Variants in CYP26C1 observed in about 807,000 individuals in gnomAD.
CYP26C1 encodes the protein cytochrome P450 26C1.
Under a neutral mutation model 39.1 loss-of-function variants are expected in CYP26C1, and 41 were observed. The ratio of observed to expected loss-of-function variants is 1.05; its 90% CI spans 0.82 to 1.36. CYP26C1 has a LOEUF of 1.36. Ranked by LOEUF, CYP26C1 falls within the 40% of genes most tolerant of loss-of-function variation. The pLI, the probability that CYP26C1 is intolerant of heterozygous loss-of-function variation, is 0.00. For synonymous variants in CYP26C1, 362 were observed against 350.8 expected (o/e 1.03, Z -0.36); for missense variants, 833 against 752.0 (o/e 1.11, Z -1.26).
chr10:93,064,344 C>T, intron 3 of CYP26C1, 37 bp from the exon 4 acceptor site: 1 of 1,591,214 alleles, frequency 6.3e-7, no homozygotes, highest in Middle Eastern at 1.7e-4. Flanking sequence ...CCCCCTTAGC[C>T]TTCCTGCCCC....
intron 3 of CYP26C1, 174 bp downstream of exon 3, chr10:93,063,169 G>T: frequency 7.2e-7 from 1 of 1,388,744 alleles, no homozygotes; most frequent in Non-Finnish European, 9.3e-7. Context: ...TGGGCTCTGG[G>T]CCTGGCCTCT....
chr10:93,064,842 T>A, intron 4 of CYP26C1: 2 of 1,063,642 alleles, frequency 1.9e-6, no homozygotes, highest in Non-Finnish European at 2.3e-6. Context: ...TGCCCTTCTC[T>A]GCCACTCCAT....
rs796808364 is a variant in CYP26C1 at position 93,069,021 on chromosome 10, G to A, written c.*324G>A. 9.0e-5 allele frequency: 25 copies of A among 277,108 alleles called. No homozygotes were observed. The highest frequency in any genetic ancestry group is 5.3e-4 in the African/African-American group (24 of 45,604). 17.2% of individuals were successfully genotyped at this position (277,108 alleles called of 1,614,324 possible). On this transcript the variant is annotated 3_prime_UTR_variant, in exon 6 of 6. Coordinates refer to ENST00000651965, the MANE Select transcript of CYP26C1 (RefSeq NM_183374.3). ...AGGTGCTGCTTGGCTTCCCCTTCCC[G>A]AGCCAATCCAGGGAGGGTGCATGGA...
At position 93,061,441 on chromosome 10, in the gene CYP26C1, G is replaced by A. The variant is rs1846747488; in HGVS notation, c.178G>A (p.Gly60Ser). The A allele has an allele frequency of 1.3e-6, 2 of 1,553,210 alleles. No individual in the cohort carries two copies. The highest frequency in any genetic ancestry group is 1.9e-5 in the Admixed American group (1 of 51,388). The change falls in exon 1 of 6, where the codon GGC becomes AGC. Residue 60 changes from glycine (G) to serine (S), a missense_variant. Gly to Ser is a moderately conservative substitution (Grantham distance 56, BLOSUM62 0). Transcript: ENST00000651965. ...PKGSMGWPFF[G>S]ETLHWLVQGS... ...GGGCTCCATGGGGTGGCCCTTCTTC[G>A]GCGAAACGCTGCACTGGTTAGTTCA... is the stretch of plus-strand genomic sequence containing the variant.
At position 93,061,213 on chromosome 10, in the gene CYP26C1, C is replaced by A. The variant is rs764634495; in HGVS notation, c.-51C>A. On this transcript the variant is annotated 5_prime_UTR_variant, in exon 1 of 6. Transcript: ENST00000651965. ...CGCACTGCTCGCGCCCCGGTTCTTG[C>A]GTCCCCTGCTCTCCCTGCGCTCTGA... is the stretch of plus-strand genomic sequence containing the variant. The A allele has an allele frequency of 2.0e-6, 3 of 1,532,234 alleles. No homozygotes were observed. The South Asian group carries it at 3.6e-5, about 18-fold the overall frequency. 94.9% of individuals were successfully genotyped at this position (1,532,234 alleles called of 1,614,324 possible). A position where few individuals can be genotyped will look rare whatever the true frequency, so the allele number is the denominator to read the frequency against.
rs369389252 is a variant in CYP26C1, at chr10:93,068,424, C to A, written c.1296C>A (p.Arg432=). The A allele has an allele frequency of 4.3e-6, 7 of 1,612,250 alleles. No homozygotes were observed. Among genetic ancestry groups the A allele is most frequent in the South Asian group, 3.3e-5 (3 of 90,948 alleles). The change falls in exon 6 of 6, where the codon CGC becomes CGA. Residue 432 remains arginine, a synonymous_variant. Transcript: ENST00000651965. ...CTCCCGAAGGCTTCGATCCAGAGCG[C>A]TTCGGCGCAGCGCGCGAAGATTCCC... ...RSPPEGFDPE[R]FGAAREDSRG...
Position 93,061,916 on chromosome 10 carries a change from AG to A in CYP26C1, c.205-92del, listed in dbSNP as rs1475558104. 4.7e-6 allele frequency: 6 copies of A among 1,279,394 alleles called. No individual in the cohort carries two copies. In the African/African-American group the frequency reaches 7.4e-5, roughly 16 times the overall value. 79.3% of individuals were successfully genotyped at this position (1,279,394 alleles called of 1,614,324 possible). ...TTTTGTAAACGCGCCAGCCAGGGAC[AG>A]GAAGTTGTGATCAAAAGGCAGCTGG... On this transcript the variant is annotated intron_variant, in intron 1 of 5. Coordinates refer to ENST00000651965, the MANE Select transcript of CYP26C1 (RefSeq NM_183374.3).
intron 5 of CYP26C1, 144 bp downstream of exon 5, chr10:93,066,429 C>T: frequency 1.3e-6 from 1 of 775,170 alleles, no homozygotes; most frequent in Non-Finnish European, 1.7e-6. Context: ...CCCTCAGAGC[C>T]TCAGCCTTCC....
Position 93,064,160 on chromosome 10 carries a change from A to G in CYP26C1, c.706-221A>G, listed in dbSNP as rs58224489. 2.8e-3 allele frequency: 3,742 copies of G among 1,316,040 alleles called. 83 individuals carry two copies. In the African/African-American group the frequency reaches 0.049, roughly 17 times the overall value. 81.5% of individuals were successfully genotyped at this position (1,316,040 alleles called of 1,614,324 possible). A position where few individuals can be genotyped will look rare whatever the true frequency, so the allele number is the denominator to read the frequency against. On this transcript the variant is annotated intron_variant, in intron 3 of 5. Transcript: ENST00000651965. ...TGACAGTAACTCTGCTGTGGCTCAG[A>G]GGGGGATTGTGATAATCAAGACAGA...
Position 93,061,258 on chromosome 10 carries a change from C to T in CYP26C1, c.-6C>T, listed in dbSNP as rs746753534. The T allele has an allele frequency of 1.3e-6, 2 of 1,567,588 alleles. No individual in the cohort carries two copies. The highest frequency in any genetic ancestry group is 1.7e-6 in the Non-Finnish European group (2 of 1,158,774). On this transcript the variant is annotated 5_prime_UTR_variant, in exon 1 of 6. Coordinates refer to ENST00000651965, the MANE Select transcript of CYP26C1 (RefSeq NM_183374.3). ...CTCTGAGCGGCCTGGCCCCCGCGGG[C>T]TCATCATGTTCCCTTGGGGGCTGAG... is the stretch of plus-strand genomic sequence containing the variant.
intron 4 of CYP26C1, among the ~76,000 whole-genome samples, chr10:93,065,148 G>C (rs972881871): frequency 1.3e-5 from 2 of 152,158 alleles, no homozygotes; most frequent in African/African-American, 4.8e-5. Flanking sequence ...CCAAAAAGGA[G>C]TGGAGAAGTT....
rs533133175 is a variant in CYP26C1, at chr10:93,065,921, C to T, written c.862-35C>T. 11 of 1,512,538 alleles carry T rather than the reference C, an allele frequency of 7.3e-6. No homozygotes were observed. The East Asian group carries it at 3.0e-4, about 41-fold the overall frequency. The allele number at this position is 1,512,538 out of a possible 1,614,324, so 93.7% of individuals were successfully genotyped here. A position where few individuals can be genotyped will look rare whatever the true frequency, so the allele number is the denominator to read the frequency against. Reference sequence around the variant, plus strand: ...GTCAGCGCCCCGGGCGACTCCACCGCCCGAGACTCAGTGCAGCCCGGGGCT... The same window carrying T: ...GTCAGCGCCCCGGGCGACTCCACCGTCCGAGACTCAGTGCAGCCCGGGGCT... On this transcript the variant is annotated intron_variant, in intron 4 of 5. Coordinates refer to ENST00000651965, the MANE Select transcript of CYP26C1 (RefSeq NM_183374.3).
chr10:93,062,615 C>A, intron 2 of CYP26C1, 105 bp from the exon 3 acceptor site: 1 of 1,087,208 alleles, frequency 9.2e-7, no homozygotes, highest in Non-Finnish European at 1.2e-6. Flanking sequence ...GTCTGGGCCG[C>A]TTGGAAGAGG....
intron 4 of CYP26C1, 82 bp downstream of exon 4, chr10:93,064,618 C>T: frequency 6.5e-7 from 1 of 1,527,044 alleles, no homozygotes; most frequent in Non-Finnish European, 8.8e-7. Context: ...CCCAGAGCCA[C>T]ATCTTGTGTG....
Position 93,062,817 on chromosome 10 carries a change from G to A in CYP26C1, c.527G>A (p.Gly176Asp). 1 of 1,561,834 alleles carries A rather than the reference G, an allele frequency of 6.4e-7. No homozygotes were observed. The highest frequency in any genetic ancestry group is 8.6e-7 in the Non-Finnish European group (1 of 1,160,390). ...GAGGTGCGCTCCTGGTGCGCGGCGGGCGGGCCGGTCTCAGTCTACGACGCC... is the reference window on the plus strand; with the variant it reads ...GAGGTGCGCTCCTGGTGCGCGGCGGACGGGCCGGTCTCAGTCTACGACGCC... ...RHEVRSWCAA[G>D]GPVSVYDASK... The change falls in exon 3 of 6, where the codon GGC becomes GAC. Residue 176 changes from glycine to aspartate, a missense_variant. Coordinates refer to ENST00000651965, the MANE Select transcript of CYP26C1 (RefSeq NM_183374.3).
chr10:93,067,404 T>C (rs895175817), intron 5 of CYP26C1, among the ~76,000 whole-genome samples: 3 of 152,232 alleles, frequency 2.0e-5, no homozygotes, highest in African/African-American at 7.2e-5. Context: ...GTGTCTTGAA[T>C]GCGGAATCAG....
Position 93,068,541 on chromosome 10 carries a change from G to A in CYP26C1, c.1413G>A (p.Leu471=). 6.3e-7 allele frequency: 1 copy of A among 1,599,280 alleles called. No homozygotes were observed. The highest frequency in any genetic ancestry group is 8.5e-7 in the Non-Finnish European group (1 of 1,173,368). The change falls in exon 6 of 6, where the codon CTG becomes CTA. Residue 471 remains leucine, a synonymous_variant. Coordinates refer to ENST00000651965, the MANE Select transcript of CYP26C1 (RefSeq NM_183374.3). ...GQELAQAVLQ[L]LAVELVRTAR... is the part of the protein sequence containing the mutation. ...AGCTGGCGCAAGCCGTGCTCCAGCT[G>A]CTAGCTGTGGAGCTAGTGCGCACCG...
At chr10:93,064,886 C>T in intron 4 of CYP26C1, 1 of 965,162 alleles carries the variant, frequency 1.0e-6, no homozygotes, top group Non-Finnish European at 1.2e-6. Flanking sequence ...GCCTACAAAG[C>T]CCTCATTATT....
Position 93,062,944 on chromosome 10 carries a change from G to A in CYP26C1, c.654G>A (p.Val218=), listed in dbSNP as rs756982384. Residue 218 remains valine, a synonymous_variant, in exon 3 of 6, where the codon GTG becomes GTA. Coordinates refer to ENST00000651965, the MANE Select transcript of CYP26C1 (RefSeq NM_183374.3). ...TGGCCCGGACCTTCGAGCAGCTCGT[G>A]GAGAACCTCTTCTCACTGCCTCTGG... The part of the protein sequence containing the change: ...ATLARTFEQL[V]ENLFSLPLDV... 7 of 1,602,942 alleles carry A rather than the reference G, an allele frequency of 4.4e-6. No homozygotes were observed. The highest frequency in any genetic ancestry group is 4.0e-5 in the African/African-American group (3 of 74,468).
Sources: allele counts gnomAD v4.1 joint callset (sites outside exome capture counted in the v4.1 genomes callset), GRCh38; gene constraint gnomAD v4.1.1; transcripts MANE v1.5; gene names NCBI Gene and HGNC (gene_info 2026-07-23, HGNC 2026-07-21).